Variants in AGBL3 observed in about 807,000 individuals in gnomAD.
AGBL3 encodes the protein cytosolic carboxypeptidase 3.
Under a neutral mutation model 94.5 loss-of-function variants are expected in AGBL3, and 68 were observed. That is an observed-to-expected ratio of 0.72 (90% CI 0.59 to 0.88). The LOEUF (loss-of-function observed/expected upper bound fraction) is 0.88, where lower values mean the gene tolerates loss of function less well. Among genes scored for constraint, AGBL3 ranks in the 40% least tolerant of loss-of-function variants. The pLI is 0.00. For missense variants in AGBL3, 934 were observed against 1,103.8 expected, an observed-to-expected ratio of 0.85 and a Z score of 2.18; for synonymous variants, 354 against 370.7, an observed-to-expected ratio of 0.95 and a Z score of 0.52.
chr7:135,069,003 A>C (rs1464102034), intron 12 of AGBL3, among the ~76,000 whole-genome samples: 7 of 152,178 alleles, frequency 4.6e-5, no homozygotes, highest in Non-Finnish European at 7.4e-5. Context: ...TGGAGACACA[A>C]ATAGGCTCAA....
At chr7:135,028,332 A>G (rs1001317241) in intron 5 of AGBL3, among the ~76,000 whole-genome samples, 20 of 148,632 alleles carry the variant, frequency 1.3e-4, no homozygotes, top group African/African-American at 4.4e-4. Context: ...TCAAAATTGG[A>G]GTCAGTCCTA....
intron 8 of AGBL3, among the ~76,000 whole-genome samples, chr7:135,038,758 G>C (rs536482511): frequency 6.6e-6 from 1 of 152,090 alleles, no homozygotes; most frequent in Non-Finnish European, 1.5e-5. Context: ...TCAGGAGATC[G>C]AGACCATCCT....
Position 135,134,922 on chromosome 7 carries a change from A to C in AGBL3, c.2424A>C (p.Gln808His). 6.4e-7 allele frequency: 1 copy of C among 1,551,186 alleles called. No individual in the cohort carries two copies. Among genetic ancestry groups the C allele is most frequent in the Non-Finnish European group, 8.7e-7 (1 of 1,146,654 alleles). ...TAPRNHPFVI[Q>H]GDVMANSSEW... The stretch of plus-strand genomic sequence containing the variant: ...CCAGAAATCACCCTTTTGTAATCCA[A>C]GGGGATGTTATGGCAAACTCTTCAG... The change falls in exon 17 of 17, where the codon CAA becomes CAC. Residue 808 changes from glutamine (Q) to histidine (H), a missense_variant. By Grantham distance (24) the Gln-to-His change is conservative. Coordinates refer to ENST00000436302, the MANE Select transcript of AGBL3 (RefSeq NM_178563.4).
chr7:135,023,500 C>T (rs920488794), intron 5 of AGBL3, among the ~76,000 whole-genome samples: 1 of 152,122 alleles, frequency 6.6e-6, no homozygotes, highest in Non-Finnish European at 1.5e-5. Context: ...ATGACCCCCA[C>T]AGATATTTGA....
chr7:135,016,938 C>T (rs1352764639), intron 4 of AGBL3, 114 bp from the exon 5 acceptor site: 1 of 716,700 alleles, frequency 1.4e-6, no homozygotes, highest in Non-Finnish European at 2.4e-6. Flanking sequence ...TTACCCCACA[C>T]AAAACACTAC....
At chr7:135,053,821 G>C (rs1818100729) in intron 11 of AGBL3, among the ~76,000 whole-genome samples, 1 of 152,006 alleles carries the variant, frequency 6.6e-6, no homozygotes, top group African/African-American at 2.4e-5. Flanking sequence ...AATAGGAAAT[G>C]GACATTTAAA....
At chr7:135,045,775 A>G in intron 10 of AGBL3, 24 bp from the exon 11 acceptor site, 6 of 1,463,802 alleles carry the variant, frequency 4.1e-6, no homozygotes, top group Non-Finnish European at 5.6e-6. Flanking sequence ...TTTCATAATG[A>G]GCTCATTTAT....
intron 5 of AGBL3, among the ~76,000 whole-genome samples, chr7:135,022,274 A>G (rs1327838233): frequency 6.6e-6 from 1 of 152,228 alleles, no homozygotes; most frequent in Non-Finnish European, 1.5e-5. Flanking sequence ...ACTAATTTAC[A>G]TTCCCACCAA....
At chr7:134,990,720 G>A (rs147098844) in intron 3 of AGBL3, among the ~76,000 whole-genome samples, 22 of 152,052 alleles carry the variant, frequency 1.4e-4, no homozygotes, top group African/African-American at 4.8e-4. Context: ...TTATTTCTTC[G>A]CCAATAATTC....
chr7:135,014,929 T>C (rs893922805), intron 4 of AGBL3, among the ~76,000 whole-genome samples: 1 of 152,214 alleles, frequency 6.6e-6, no homozygotes, highest in Non-Finnish European at 1.5e-5. Flanking sequence ...CTAGGAAACA[T>C]ATTTGCTATG....
intron 11 of AGBL3, among the ~76,000 whole-genome samples, chr7:135,056,142 T>C: frequency 6.6e-6 from 1 of 152,082 alleles, no homozygotes; most frequent in East Asian, 1.9e-4. Context: ...CAAGTTGGGT[T>C]CTTTCTTTTT....
chr7:134,999,157 A>AT (rs1193133349), intron 4 of AGBL3, among the ~76,000 whole-genome samples: 2 of 152,374 alleles, frequency 1.3e-5, no homozygotes, highest in East Asian at 3.9e-4. Flanking sequence ...CTGAAGAAAT[A>AT]TAACTTGATG....
intron 3 of AGBL3, among the ~76,000 whole-genome samples, chr7:134,990,056 C>A (rs994118057): frequency 6.6e-6 from 1 of 152,166 alleles, no homozygotes; most frequent in Non-Finnish European, 1.5e-5. Context: ...TAACTCACTC[C>A]TTTAACTAGC....
chr7:135,018,800 T>C (rs1403013475), intron 5 of AGBL3, among the ~76,000 whole-genome samples: 1 of 152,230 alleles, frequency 6.6e-6, no homozygotes, highest in Non-Finnish European at 1.5e-5. Context: ...TACTGAAGAA[T>C]GTGTCATACT....
rs768904388 is a variant in AGBL3, at chr7:135,027,535, C to T, written c.419-5309C>T. On this transcript the variant is annotated intron_variant, in intron 5 of 16. Coordinates refer to ENST00000436302, the MANE Select transcript of AGBL3 (RefSeq NM_178563.4). ...ATCATTGTTTTTTTATCCCAAAGAA[C>T]GTCTTTAGCATTTCTTTTCAGTTTT... 1.2e-4 allele frequency among the ~76,000 whole-genome samples: 18 copies of T among 151,574 alleles called. 1 individual carries two copies. Among genetic ancestry groups the T allele is most frequent in the Admixed American group, 7.2e-4 (11 of 15,214 alleles).
intron 15 of AGBL3, among the ~76,000 whole-genome samples, chr7:135,111,335 T>C (rs937404054): frequency 2.0e-5 from 3 of 152,210 alleles, no homozygotes; most frequent in Admixed American, 6.5e-5. Flanking sequence ...CTCACTTGTA[T>C]ACTTCTCAAC....
intron 5 of AGBL3, among the ~76,000 whole-genome samples, chr7:135,030,158 T>TAAAAAAAAA (rs74392929): frequency 2.6e-5 from 3 of 117,422 alleles, no homozygotes; most frequent in Admixed American, 8.7e-5. Context: ...TTTAATTTGT[T>TAAAAAAAAA]AAAAAAAAAA....
chr7:135,048,744 C>A lies in AGBL3; in HGVS notation c.1841+2833C>A, dbSNP rs1319352354. 3.9e-5 allele frequency among the ~76,000 whole-genome samples: 5 copies of A among 128,046 alleles called. 1 individual carries two copies. The South Asian group carries it at 1.5e-3, about 38-fold the overall frequency. 84.0% of individuals were successfully genotyped at this position (128,046 alleles called of 152,430 possible). ...AACTTTCTGAGTTTATTGATTAGTT[C>A]TCACAGTTGTTTTTTTTTTTTAATG... On this transcript the variant is annotated intron_variant, in intron 11 of 16. Coordinates refer to ENST00000436302, the MANE Select transcript of AGBL3 (RefSeq NM_178563.4).
At chr7:135,073,863 C>T (rs192824062) in intron 12 of AGBL3, among the ~76,000 whole-genome samples, 116 of 152,214 alleles carry the variant, frequency 7.6e-4, no homozygotes, top group African/African-American at 2.6e-3. Flanking sequence ...CAGGGTGCGG[C>T]GCCAGGCTGT....
Sources: gnomAD v4.1 joint callset for allele counts (sites outside exome capture counted in the v4.1 genomes callset) on GRCh38, gnomAD v4.1.1 for gene constraint, MANE v1.5 for transcripts, NCBI Gene and HGNC (gene_info 2026-07-23, HGNC 2026-07-21) for gene names.